The following BANP variants were observed in gnomAD, a reference collection of about 807,000 sequenced individuals.
BANP encodes protein BANP.
In BANP, 11 loss-of-function variants were observed where a neutral mutation model predicts 68.1. That is an observed-to-expected ratio of 0.16 (90% confidence interval 0.10 to 0.27). The LOEUF is 0.27. Among genes scored for constraint, BANP ranks in the 10% least tolerant of loss-of-function variants. BANP has a pLI of 1.00. For synonymous variants in BANP, 329 were observed against 303.2 expected (o/e 1.09, Z -0.88); for missense variants, 504 against 722.7 (o/e 0.70, Z 3.47).
intron 6 of BANP, among the ~76,000 whole-genome samples, chr16:88,013,695 C>T (rs138323095): frequency 7.4e-4 from 112 of 152,350 alleles, no homozygotes; most frequent in African/African-American, 2.5e-3. Flanking sequence ...TGGGGCCCTC[C>T]TTGCACAGGT....
upstream of BANP, chr16:87,949,278 A>G (rs1281856931): frequency 1.3e-5 from 2 of 152,188 alleles, no homozygotes; most frequent in Admixed American, 1.3e-4. Flanking sequence ...CAGGAACGAC[A>G]TCACCCTAGG....
chr16:87,983,662 G>C (rs892596558), intron 3 of BANP, among the ~76,000 whole-genome samples: 4 of 151,934 alleles, frequency 2.6e-5, no homozygotes, highest in Non-Finnish European at 5.9e-5. Context: ...GCGAATGTGC[G>C]TGGCCTGTGG....
chr16:87,971,732 C>T (rs1456559281), intron 1 of BANP, among the ~76,000 whole-genome samples: 2 of 151,850 alleles, frequency 1.3e-5, no homozygotes, highest in Non-Finnish European at 2.9e-5. Flanking sequence ...TTCAAGCACC[C>T]TCCGTCCTGT....
rs139600384 is a variant in BANP, at chr16:88,035,123, C to T, written c.1201-200C>T. 797 of 583,470 alleles carry T rather than the reference C, an allele frequency of 1.4e-3. 7 individuals carry two copies. In the African/African-American group the frequency reaches 0.014, roughly 10 times the overall value. 36.1% of individuals were successfully genotyped at this position (583,470 alleles called of 1,614,324 possible). A position where few individuals can be genotyped will look rare whatever the true frequency, so the allele number is the denominator to read the frequency against. On this transcript the variant is annotated intron_variant, in intron 9 of 13. Coordinates refer to ENST00000682872, the MANE Select transcript of BANP (RefSeq NM_001386991.1). The stretch of plus-strand genomic sequence containing the variant: ...TGGGGGTAGGGGGTGCTTCTTGAAA[C>T]CCTCATGGATGAGGGGGACTACTGT...
At position 88,002,250 on chromosome 16, in the gene BANP, G is replaced by C. The variant is rs756226987; in HGVS notation, c.363-2045G>C. On this transcript the variant is annotated intron_variant, in intron 4 of 13. Transcript: ENST00000682872. The surrounding 1 kb of genome is among the most constrained non-coding windows in gnomAD (Gnocchi z 4.6). ...GGAGTCCTTGGCTTCTTTGAGTTGT[G>C]TGCCAGGGGTCTCAGTGGTCTGTCC... Among the ~76,000 whole-genome samples, 18 of 152,008 alleles carry C rather than the reference G, an allele frequency of 1.2e-4. No homozygotes were observed. The highest frequency in any genetic ancestry group is 2.4e-4 in the Non-Finnish European group (16 of 67,982).
intron 1 of BANP, chr16:87,966,731 G>T (rs1276822856): frequency 6.6e-6 from 1 of 152,224 alleles, no homozygotes; most frequent in Non-Finnish European, 1.5e-5. Flanking sequence ...AGAGAGGCAG[G>T]AGTTTAACCT....
intron 12 of BANP, among the ~76,000 whole-genome samples, chr16:88,067,407 C>T (rs908872627): frequency 6.6e-6 from 1 of 152,062 alleles, no homozygotes; most frequent in Non-Finnish European, 1.5e-5. Flanking sequence ...GGAGGAGACT[C>T]GAGCTGGAAC....
At chr16:87,994,706 G>T (rs2066734530) in intron 4 of BANP, among the ~76,000 whole-genome samples, 2 of 152,146 alleles carry the variant, frequency 1.3e-5, no homozygotes, top group African/African-American at 4.8e-5. Context: ...AGACTGAGGT[G>T]GGAGGATCAT....
chr16:87,962,751 C>A (rs1395519686), intron 1 of BANP, among the ~76,000 whole-genome samples: 4 of 152,172 alleles, frequency 2.6e-5, no homozygotes, highest in Non-Finnish European at 4.4e-5. Context: ...GAGAAGTGTT[C>A]TTGCTTCTTT....
chr16:87,997,046 T>C (rs1167541085), intron 4 of BANP, among the ~76,000 whole-genome samples: 1 of 152,178 alleles, frequency 6.6e-6, no homozygotes, highest in Non-Finnish European at 1.5e-5. Flanking sequence ...TGTGATGAGG[T>C]GGTTCCCTGA....
At position 88,076,739 on chromosome 16, in the gene BANP, C is replaced by A; in HGVS notation, c.*78C>A. ...CCCACGCGCCCTGCTCTCACGGCCT[C>A]GGCACAGGCAGCGGCTGCACGTGTT... On this transcript the variant is annotated 3_prime_UTR_variant, in exon 14 of 14. Coordinates refer to ENST00000682872, the MANE Select transcript of BANP (RefSeq NM_001386991.1). The A allele has an allele frequency of 8.1e-7, 1 of 1,233,648 alleles. No individual in the cohort carries two copies. Among genetic ancestry groups the A allele is most frequent in the Non-Finnish European group, 1.1e-6 (1 of 892,706 alleles). The allele number at this position is 1,233,648 out of a possible 1,614,324, so 76.4% of individuals were successfully genotyped here.
At chr16:88,067,122 G>A (rs1363378273) in intron 12 of BANP, among the ~76,000 whole-genome samples, 1 of 152,238 alleles carries the variant, frequency 6.6e-6, no homozygotes, top group Non-Finnish European at 1.5e-5. Flanking sequence ...GGGCCCAGGT[G>A]TGTGGGGGAA....
At chr16:88,072,562 C>T (rs976415153) in intron 13 of BANP, among the ~76,000 whole-genome samples, 1 of 152,260 alleles carries the variant, frequency 6.6e-6, no homozygotes, top group African/African-American at 2.4e-5. Context: ...AGCTCCCTGC[C>T]CCACTCGTTG....
At chr16:87,966,773 G>A (rs530365793) in intron 1 of BANP, 1 of 152,364 alleles carries the variant, frequency 6.6e-6, no homozygotes, top group Admixed American at 6.5e-5. Context: ...GTTTGTGGAA[G>A]GGCCTCGGCA....
intron 8 of BANP, among the ~76,000 whole-genome samples, chr16:88,032,204 C>T (rs2078330137): frequency 6.6e-6 from 1 of 151,796 alleles, no homozygotes; most frequent in Admixed American, 6.6e-5. Context: ...TTACTGCTTC[C>T]CTCCCCTGTA....
At chr16:88,015,526 C>A (rs985998953) in intron 6 of BANP, among the ~76,000 whole-genome samples, 10 of 152,270 alleles carry the variant, frequency 6.6e-5, no homozygotes, top group African/African-American at 2.4e-4. Flanking sequence ...CCTCCTGGCC[C>A]AGGCCGATGC....
intron 1 of BANP, among the ~76,000 whole-genome samples, chr16:87,973,434 C>G (rs569733929): frequency 1.3e-5 from 2 of 152,252 alleles, no homozygotes; most frequent in African/African-American, 4.8e-5. Context: ...CAGCACTTGG[C>G]TCCTTCTTCC....
intron 6 of BANP, among the ~76,000 whole-genome samples, chr16:88,015,273 TCTGCCTGTACCTCC>T (rs1277528848): frequency 2.3e-5 from 3 of 131,114 alleles, no homozygotes; most frequent in East Asian, 2.4e-4. Context: ...GTCCATGCCC[TCTGCCTGTACCTCC>T]CTGCCTGTGC....
At chr16:87,970,286 CTTAA>C (rs2060877427) in intron 1 of BANP, 1 of 152,196 alleles carries the variant, frequency 6.6e-6, no homozygotes, top group Non-Finnish European at 1.5e-5. Context: ...ATTCTAGAAG[CTTAA>C]TTAGATTCAG....
Sources: allele counts gnomAD v4.1 joint callset (sites outside exome capture counted in the v4.1 genomes callset), GRCh38; gene constraint gnomAD v4.1.1; non-coding constraint Gnocchi (gnomAD v3.1); transcripts MANE v1.5; gene names NCBI Gene and HGNC (gene_info 2026-07-23, HGNC 2026-07-21).